The following TENM2 variants were observed in gnomAD, a reference collection of about 807,000 sequenced individuals.
TENM2 encodes the protein teneurin-2.
TENM2 carries 52 observed loss-of-function variants against 245.2 expected under a neutral mutation model. The ratio of observed to expected loss-of-function variants is 0.21; its 90% CI spans 0.17 to 0.27. The LOEUF (loss-of-function observed/expected upper bound fraction) is 0.27. Among genes scored for constraint, TENM2 ranks in the 10% least tolerant of loss-of-function variants. TENM2 has a pLI of 1.00. For synonymous variants in TENM2, 1,363 were observed against 1,438.9 expected (o/e 0.95, Z 1.19); for missense variants, 3,046 against 3,666.8 (o/e 0.83, Z 4.37).
chr5:167,309,336 A>G (rs1398571691), intron 1 of TENM2, among the ~76,000 whole-genome samples: 8 of 152,204 alleles, frequency 5.3e-5, no homozygotes, highest in Non-Finnish European at 1.2e-4. Context: ...TGCATTCAGC[A>G]CACTTCTGAC....
chr5:167,016,253 C>CA, the TENM2 span, among the ~76,000 whole-genome samples: 1,466 of 99,770 alleles, frequency 0.015, 29 homozygotes, highest in African/African-American at 0.055. Context: ...GACTCTGTCT[C>CA]AAAAAAAAAA....
At chr5:168,166,440 C>G (rs7712496) in intron 13 of TENM2, among the ~76,000 whole-genome samples, 6 of 152,020 alleles carry the variant, frequency 3.9e-5, no homozygotes, top group African/African-American at 9.7e-5. Context: ...ATATTTGAAA[C>G]CTTTAACAGC....
At chr5:167,912,405 T>C (rs1776620395) in intron 3 of TENM2, among the ~76,000 whole-genome samples, 1 of 152,202 alleles carries the variant, frequency 6.6e-6, no homozygotes, top group Non-Finnish European at 1.5e-5. Context: ...GATGCAGACT[T>C]AGCTTTCTCT....
intron 2 of TENM2, among the ~76,000 whole-genome samples, chr5:167,775,871 G>A (rs1763729549): frequency 6.6e-6 from 1 of 152,226 alleles, no homozygotes; most frequent in African/African-American, 2.4e-5. Context: ...TTAAATGAAT[G>A]TTAATTGTAT....
chr5:167,870,523 A>G (rs191758795), intron 2 of TENM2, among the ~76,000 whole-genome samples: 67 of 150,812 alleles, frequency 4.4e-4, no homozygotes, highest in African/African-American at 1.5e-3. Context: ...AAGTTCAGAG[A>G]AAAGTACTGA....
intron 9 of TENM2, among the ~76,000 whole-genome samples, chr5:168,114,167 A>T (rs377301631): frequency 2.3e-4 from 35 of 152,326 alleles, no homozygotes; most frequent in African/African-American, 8.4e-4. Flanking sequence ...CACTCCTGTG[A>T]GCCATACATG....
the TENM2 span, among the ~76,000 whole-genome samples, chr5:167,134,453 T>C: frequency 6.6e-6 from 1 of 152,220 alleles, no homozygotes; most frequent in African/African-American, 2.4e-5. Flanking sequence ...CGATTGTTTG[T>C]AGGATTCATT....
intron 1 of TENM2, among the ~76,000 whole-genome samples, chr5:167,350,482 T>A (rs1446548650): frequency 6.7e-6 from 1 of 148,582 alleles, no homozygotes; most frequent in Non-Finnish European, 1.5e-5. Context: ...TATGTATATA[T>A]CCTATCTATA....
At chr5:167,901,623 A>G (rs957491050) in intron 3 of TENM2, among the ~76,000 whole-genome samples, 2 of 152,198 alleles carry the variant, frequency 1.3e-5, no homozygotes, top group Non-Finnish European at 2.9e-5. Flanking sequence ...AGTGCATTGA[A>G]TGGGCCTAGC....
intron 2 of TENM2, among the ~76,000 whole-genome samples, chr5:167,444,026 A>G (rs1426081438): frequency 6.6e-6 from 1 of 152,062 alleles, no homozygotes; most frequent in African/African-American, 2.4e-5. Context: ...TGGCACATAA[A>G]TGTTTAATAA....
At chr5:167,654,114 A>G (rs1340361164) in intron 2 of TENM2, among the ~76,000 whole-genome samples, 1 of 151,882 alleles carries the variant, frequency 6.6e-6, no homozygotes, top group Admixed American at 6.6e-5. Context: ...TAGTACTTTT[A>G]CTAACTTTTT....
the TENM2 span, among the ~76,000 whole-genome samples, chr5:167,080,964 A>G: frequency 1.3e-5 from 2 of 151,920 alleles, no homozygotes; most frequent in Admixed American, 6.6e-5. Context: ...GTATTTTCCT[A>G]TGCTATTTTT....
the TENM2 span, among the ~76,000 whole-genome samples, chr5:167,101,157 C>T: frequency 6.6e-6 from 1 of 152,166 alleles, no homozygotes; most frequent in Non-Finnish European, 1.5e-5. Flanking sequence ...TTATTTTGTG[C>T]TCCCCACAAT....
rs1761715750 is a variant in TENM2, at chr5:168,199,173, A to ACACT, written c.3162+60_3162+63dup. 4 of 1,542,508 alleles carry ACACT rather than the reference A, an allele frequency of 2.6e-6. No individual in the cohort carries two copies. The South Asian group carries it at 4.8e-5, about 19-fold the overall frequency. On this transcript the variant is annotated intron_variant, in intron 16 of 28. Coordinates refer to ENST00000518659, the Ensembl canonical transcript of TENM2. ...GACTTCCCTAACGAAAACCAACTGG[A>ACACT]CACTGCCTCTCCCCGAGTGGACCAG...
At chr5:168,107,575 G>A (rs1794353598) in intron 9 of TENM2, among the ~76,000 whole-genome samples, 1 of 152,094 alleles carries the variant, frequency 6.6e-6, no homozygotes, top group Non-Finnish European at 1.5e-5. Context: ...GTCTGATGCA[G>A]GTGGTCAGGG....
chr5:167,739,424 A>G (rs1188670987), intron 2 of TENM2, among the ~76,000 whole-genome samples: 1 of 152,138 alleles, frequency 6.6e-6, no homozygotes, highest in African/African-American at 2.4e-5. Flanking sequence ...AAGAGACCCA[A>G]AGTCTACTTT....
intron 2 of TENM2, among the ~76,000 whole-genome samples, chr5:167,454,496 G>A (rs1487117998): frequency 6.6e-6 from 1 of 151,880 alleles, no homozygotes; most frequent in East Asian, 1.9e-4. Flanking sequence ...ACGTGTGTAT[G>A]TGTCTGTATT....
chr5:167,083,287 A>G, the TENM2 span, among the ~76,000 whole-genome samples: 1 of 152,124 alleles, frequency 6.6e-6, no homozygotes, highest in African/African-American at 2.4e-5. Context: ...GGACTAGCCA[A>G]TTTTATTCAG....
At chr5:167,757,469 A>G (rs1389217466) in intron 2 of TENM2, among the ~76,000 whole-genome samples, 2 of 151,946 alleles carry the variant, frequency 1.3e-5, no homozygotes, top group Non-Finnish European at 2.9e-5. Flanking sequence ...TATGTGCCAC[A>G]TTTTCTTTAT....
Sources: gnomAD v4.1 joint callset for allele counts (sites outside exome capture counted in the v4.1 genomes callset) on GRCh38, gnomAD v4.1.1 for gene constraint, MANE v1.5 for transcripts, NCBI Gene and HGNC (gene_info 2026-07-23, HGNC 2026-07-21) for gene names.